PRKD1: variants seen among roughly 807,000 people sequenced by gnomAD.
PRKD1 encodes protein kinase D1, also known as serine/threonine-protein kinase D1.
A neutral mutation model predicts 95.9 loss-of-function variants in PRKD1; 63 were observed. That is an observed-to-expected ratio of 0.66 (90% CI 0.54 to 0.81). The LOEUF (loss-of-function observed/expected upper bound fraction) is 0.81, where lower values mean the gene tolerates loss of function less well. Among genes scored for constraint, PRKD1 ranks in the 30% least tolerant of loss-of-function variants. The probability of loss-of-function intolerance (pLI) is 0.00; values close to 1 mark genes in which losing one functional copy is unlikely to be tolerated. For synonymous variants in PRKD1, 425 were observed against 423.1 expected, an observed-to-expected ratio of 1.00 and a Z score of -0.05; for missense variants, 1,048 against 1,165.3, an observed-to-expected ratio of 0.90 and a Z score of 1.47.
chr14:29,766,649 T>C (rs920088561), intron 1 of PRKD1, among the ~76,000 whole-genome samples: 6 of 152,162 alleles, frequency 3.9e-5, no homozygotes, highest in Non-Finnish European at 8.8e-5. Flanking sequence ...AATTTTGAAA[T>C]ATCTTTTTAA....
In PRKD1 at chr14:29,927,595, G is replaced by C; in HGVS notation, c.-83C>G. On this transcript the variant is annotated 5_prime_UTR_variant, in exon 1 of 18. Coordinates refer to ENST00000331968, the MANE Select transcript of PRKD1 (RefSeq NM_002742.3). ...GGAAAGTTTTGCAGCCGCTGAGCCA[G>C]GAGCTTCTTTCTCCGAGAGCCCAGA... 9.5e-7 allele frequency: 1 copy of C among 1,052,418 alleles called. No homozygotes were observed. Among genetic ancestry groups the C allele is most frequent in the South Asian group, 4.5e-5 (1 of 22,290 alleles). The allele number at this position is 1,052,418 out of a possible 1,614,324, so 65.2% of individuals were successfully genotyped here. A position where few individuals can be genotyped will look rare whatever the true frequency, so the allele number is the denominator to read the frequency against.
chr14:29,773,378 T>A (rs1321540150), intron 1 of PRKD1, among the ~76,000 whole-genome samples: 1 of 150,312 alleles, frequency 6.7e-6, no homozygotes, highest in Non-Finnish European at 1.5e-5. Flanking sequence ...GAGAATCACT[T>A]GAACTTGGGA....
At chr14:29,597,351 C>T (rs1023167143) in intron 16 of PRKD1, 140 bp downstream of exon 16, 11 of 848,088 alleles carry the variant, frequency 1.3e-5, no homozygotes, top group East Asian at 5.6e-5. Context: ...CAAATTAATT[C>T]GTGTCTTTGT....
At chr14:29,770,324 T>TA (rs1335767547) in intron 1 of PRKD1, among the ~76,000 whole-genome samples, 1 of 152,144 alleles carries the variant, frequency 6.6e-6, no homozygotes, top group Non-Finnish European at 1.5e-5. Context: ...GGGTAATGAG[T>TA]AAAGGCTGGG....
At chr14:29,630,709 G>A (rs775458767) in intron 10 of PRKD1, 33 bp downstream of exon 10, 53 of 1,613,480 alleles carry the variant, frequency 3.3e-5, no homozygotes, top group Non-Finnish European at 4.2e-5. Flanking sequence ...CACATGATGA[G>A]CTTTGGGCTG....
chr14:29,667,743 C>A (rs1166277931), intron 2 of PRKD1, among the ~76,000 whole-genome samples: 3 of 152,144 alleles, frequency 2.0e-5, no homozygotes, highest in Non-Finnish European at 4.4e-5. Flanking sequence ...CCAGACCAAA[C>A]AACTATGACA....
intron 13 of PRKD1, among the ~76,000 whole-genome samples, chr14:29,619,802 G>C (rs1255895709): frequency 6.6e-6 from 1 of 152,102 alleles, no homozygotes; most frequent in Non-Finnish European, 1.5e-5. Context: ...TTTACTGAGA[G>C]ACTAATGTAT....
At chr14:29,792,022 T>A (rs1889569666) in intron 1 of PRKD1, among the ~76,000 whole-genome samples, 1 of 152,140 alleles carries the variant, frequency 6.6e-6, no homozygotes, top group Non-Finnish European at 1.5e-5. Context: ...ATCATTTTAA[T>A]TTTAGCTATT....
intron 1 of PRKD1, among the ~76,000 whole-genome samples, chr14:29,780,369 A>T (rs1370166315): frequency 6.6e-6 from 1 of 152,248 alleles, no homozygotes; most frequent in East Asian, 1.9e-4. Context: ...GAATGGGAGA[A>T]AACTTTTGCA....
At chr14:29,817,722 T>A (rs1487124119) in intron 1 of PRKD1, among the ~76,000 whole-genome samples, 1 of 152,048 alleles carries the variant, frequency 6.6e-6, no homozygotes, top group African/African-American at 2.4e-5. Context: ...GCAGCAAGAC[T>A]CCAGAGTCAT....
At chr14:29,584,519 C>T (rs1892849106) in intron 16 of PRKD1, among the ~76,000 whole-genome samples, 1 of 152,100 alleles carries the variant, frequency 6.6e-6, no homozygotes, top group Non-Finnish European at 1.5e-5. Context: ...CCTTTAAGGT[C>T]ACACAGATTG....
At chr14:29,626,751 G>C (rs1333633507) in intron 11 of PRKD1, among the ~76,000 whole-genome samples, 195 bp from the exon 12 acceptor site, 1 of 139,174 alleles carries the variant, frequency 7.2e-6, no homozygotes, top group Non-Finnish European at 1.5e-5. Flanking sequence ...GTCTCGCTCT[G>C]TTGCCCAGGC....
intron 1 of PRKD1, among the ~76,000 whole-genome samples, chr14:29,784,794 T>C (rs903322225): frequency 2.0e-5 from 3 of 152,212 alleles, no homozygotes; most frequent in East Asian, 3.9e-4. Flanking sequence ...TCTCTAACAA[T>C]AGGCGTTATC....
At chr14:29,694,323 T>A (rs1443249711) in intron 2 of PRKD1, among the ~76,000 whole-genome samples, 1 of 152,210 alleles carries the variant, frequency 6.6e-6, no homozygotes, top group Non-Finnish European at 1.5e-5. Context: ...AAACCCACTA[T>A]TTATTTGTCA....
At chr14:29,838,472 T>C (rs2139310572) in intron 1 of PRKD1, among the ~76,000 whole-genome samples, 1 of 152,270 alleles carries the variant, frequency 6.6e-6, no homozygotes, top group Middle Eastern at 3.4e-3. Context: ...ATATAGAGTT[T>C]TGTAAAAATA....
intron 2 of PRKD1, among the ~76,000 whole-genome samples, chr14:29,709,670 T>C (rs1349119236): frequency 6.6e-6 from 1 of 152,146 alleles, no homozygotes; most frequent in Admixed American, 6.6e-5. Context: ...AGTCCAACTC[T>C]GAGTTCTAAA....
chr14:29,578,315 C>T lies in PRKD1; in HGVS notation c.2480G>A (p.Arg827His). ...NNLLQVKMRK[R>H]YSVDKTLSHP... ...GCTCAAGGTCTTATCCACACTGTAGCGCTTTCTCATTTTTACTTGCAGCAA... is the reference window on the plus strand; with the variant it reads ...GCTCAAGGTCTTATCCACACTGTAGTGCTTTCTCATTTTTACTTGCAGCAA... Residue 827 changes from arginine (R) to histidine (H), a missense_variant, in exon 17 of 18, where the codon CGC becomes CAC. Around this residue, in one of 3 missense-constraint regions of PRKD1, gnomAD observed 739 missense variants for 861.9 expected, o/e 0.86. Transcript: ENST00000331968. 6.2e-7 allele frequency: 1 copy of T among 1,610,690 alleles called. No homozygotes were observed. Among genetic ancestry groups the T allele is most frequent in the Non-Finnish European group, 8.5e-7 (1 of 1,178,736 alleles).
intron 1 of PRKD1, among the ~76,000 whole-genome samples, chr14:29,749,720 A>G (rs1887390172): frequency 6.6e-6 from 1 of 152,200 alleles, no homozygotes; most frequent in African/African-American, 2.4e-5. Context: ...GTAAAGTTTA[A>G]TAAGTAACCA....
intron 1 of PRKD1, among the ~76,000 whole-genome samples, chr14:29,812,290 T>C (rs1890521733): frequency 6.6e-6 from 1 of 152,152 alleles, no homozygotes. Context: ...AGGAAATCAT[T>C]AGCAAAATTA....
Sources: gnomAD v4.1 joint callset for allele counts (sites outside exome capture counted in the v4.1 genomes callset) on GRCh38, gnomAD v4.1.1 for gene constraint, gnomAD v4.1.1 regional missense constraint, MANE v1.5 for transcripts, NCBI Gene and HGNC (gene_info 2026-07-23, HGNC 2026-07-21) for gene names.